The following PALS2 variants were observed in gnomAD, a reference collection of about 807,000 sequenced individuals.
PALS2 encodes protein associated with LIN7 2, MAGUK p55 family member.
Under a neutral mutation model 61.6 loss-of-function variants are expected in PALS2, and 27 were observed. That is an observed-to-expected ratio of 0.44 (90% CI 0.32 to 0.60). PALS2 has a LOEUF of 0.60. Ranked by LOEUF, PALS2 falls within the 20% of genes least tolerant of loss-of-function variation. The pLI, the probability that PALS2 is intolerant of heterozygous loss-of-function variation, is 0.05. For synonymous variants in PALS2, 236 were observed against 218.6 expected, an observed-to-expected ratio of 1.08 and a Z score of -0.70; for missense variants, 554 against 639.4, an observed-to-expected ratio of 0.87 and a Z score of 1.44.
At chr7:24,585,892 A>G (rs539019613) in intron 1 of PALS2, among the ~76,000 whole-genome samples, 1 of 152,068 alleles carries the variant, frequency 6.6e-6, no homozygotes, top group East Asian at 1.9e-4. Flanking sequence ...CACCACTAAT[A>G]TCTTCTACTC....
At chr7:24,677,335 C>T (rs1225566132) in intron 9 of PALS2, among the ~76,000 whole-genome samples, 1 of 152,076 alleles carries the variant, frequency 6.6e-6, no homozygotes, top group East Asian at 1.9e-4. Context: ...AATTTGACTT[C>T]CTCTTTTCCT....
intron 1 of PALS2, among the ~76,000 whole-genome samples, chr7:24,611,446 G>A (rs920731953): frequency 1.3e-5 from 2 of 151,720 alleles, no homozygotes; most frequent in African/African-American, 4.8e-5. Flanking sequence ...AACTATTCTT[G>A]ATTTTGGTAA....
intron 1 of PALS2, among the ~76,000 whole-genome samples, chr7:24,576,349 G>A (rs527282622): frequency 1.3e-5 from 2 of 152,082 alleles, no homozygotes; most frequent in African/African-American, 2.4e-5. Flanking sequence ...CTGACCACTG[G>A]GGGGAGACTT....
chr7:24,680,970 G>T (rs1787895160), intron 11 of PALS2, among the ~76,000 whole-genome samples: 1 of 152,288 alleles, frequency 6.6e-6, no homozygotes, highest in South Asian at 2.1e-4. Context: ...ATTAGATGTA[G>T]TTAGGATCTG....
intron 1 of PALS2, among the ~76,000 whole-genome samples, chr7:24,583,688 T>C: frequency 6.6e-6 from 1 of 151,538 alleles, no homozygotes; most frequent in Non-Finnish European, 1.5e-5. Context: ...TACTTTAAGT[T>C]TTAGGGTACA....
At chr7:24,646,818 T>G (rs1785855797) in intron 3 of PALS2, among the ~76,000 whole-genome samples, 1 of 152,170 alleles carries the variant, frequency 6.6e-6, no homozygotes, top group South Asian at 2.1e-4. Context: ...TATTACTGAT[T>G]CAATTTCGGA....
At position 24,670,657 on chromosome 7, in the gene PALS2, G is replaced by A. The variant is rs150058695; in HGVS notation, c.1114+1997G>A. Among the ~76,000 whole-genome samples, 19 of 152,286 alleles carry A rather than the reference G, an allele frequency of 1.2e-4. No homozygotes were observed. The East Asian group carries it at 1.5e-3, about 12-fold the overall frequency. On this transcript the variant is annotated intron_variant, in intron 9 of 11. Transcript: ENST00000222644. ...TGTAAAATTCAAAAGCTGTTACAAC[G>A]TCTTCATCATCGCCAAAAGAATCTC... is the stretch of plus-strand genomic sequence containing the variant.
intron 5 of PALS2, among the ~76,000 whole-genome samples, chr7:24,653,376 A>G (rs1269002102): frequency 3.0e-5 from 4 of 132,502 alleles, no homozygotes; most frequent in African/African-American, 1.3e-4. Context: ...CAGAAGGGAA[A>G]AGCCTTAATT....
Position 24,643,255 on chromosome 7 carries a change from T to G in PALS2, c.270+1387T>G, listed in dbSNP as rs115642976. ...TCTAGGTTTTCAGGAATGCTACTTA[T>G]TATTAGTAAATATTTGTAATTTAAT... On this transcript the variant is annotated intron_variant, in intron 3 of 11. Coordinates refer to ENST00000222644, the MANE Select transcript of PALS2 (RefSeq NM_001303037.2). 5.3e-3 allele frequency among the ~76,000 whole-genome samples: 805 copies of G among 152,242 alleles called. 14 individuals are homozygous for G. The highest frequency in any genetic ancestry group is 0.019 in the African/African-American group (771 of 41,546).
At chr7:24,639,669 TTTTC>T (rs1232158694) in intron 2 of PALS2, among the ~76,000 whole-genome samples, 1 of 150,876 alleles carries the variant, frequency 6.6e-6, no homozygotes, top group Non-Finnish European at 1.5e-5. Flanking sequence ...CTGTAGATTA[TTTTC>T]TTTTTTTTTT....
At chr7:24,625,703 TAAC>T (rs1359187998) in intron 2 of PALS2, among the ~76,000 whole-genome samples, 3 of 152,236 alleles carry the variant, frequency 2.0e-5, no homozygotes, top group Non-Finnish European at 2.9e-5. Flanking sequence ...TCATTATTCT[TAAC>T]AGTTGCAATG....
Position 24,609,412 on chromosome 7 carries a change from G to C in PALS2, c.-2-14254G>C, listed in dbSNP as rs572006022. On this transcript the variant is annotated intron_variant, in intron 1 of 11. Coordinates refer to ENST00000222644, the MANE Select transcript of PALS2 (RefSeq NM_001303037.2). ...CTAAATTAAGAAGGAAGAGTACTCT[G>C]GATATGGGACATATTAGGGTAAGGC... 3.9e-5 allele frequency among the ~76,000 whole-genome samples: 6 copies of C among 152,218 alleles called. No individual in the cohort carries two copies. In the South Asian group the frequency reaches 1.2e-3, roughly 32 times the overall value.
chr7:24,598,269 G>A (rs561242713), intron 1 of PALS2, among the ~76,000 whole-genome samples: 1 of 152,266 alleles, frequency 6.6e-6, no homozygotes, highest in South Asian at 2.1e-4. Context: ...GTATTTTCAT[G>A]TAACTTAAAT....
chr7:24,635,202 T>C (rs1785179312), intron 2 of PALS2, among the ~76,000 whole-genome samples: 1 of 152,236 alleles, frequency 6.6e-6, no homozygotes, highest in African/African-American at 2.4e-5. Flanking sequence ...TCCATAAACA[T>C]TTATTTAAAT....
intron 1 of PALS2, among the ~76,000 whole-genome samples, chr7:24,574,598 T>C (rs1467961346): frequency 3.9e-5 from 6 of 152,104 alleles, no homozygotes; most frequent in Non-Finnish European, 1.5e-5. Context: ...GCATTACTTA[T>C]AAACAGCCGG....
At chr7:24,662,105 AC>A (rs1786751670) in intron 5 of PALS2, among the ~76,000 whole-genome samples, 1 of 152,184 alleles carries the variant, frequency 6.6e-6, no homozygotes, top group South Asian at 2.1e-4. Flanking sequence ...AAAATTATTG[AC>A]CTACTGATTT....
chr7:24,632,191 T>G (rs1430354381), intron 2 of PALS2, among the ~76,000 whole-genome samples: 1 of 152,240 alleles, frequency 6.6e-6, no homozygotes, highest in East Asian at 1.9e-4. Flanking sequence ...TATCGTTATG[T>G]AATGCCTCTC....
chr7:24,613,380 TAA>T (rs1784181429), intron 1 of PALS2, among the ~76,000 whole-genome samples: 1 of 151,832 alleles, frequency 6.6e-6, no homozygotes, highest in South Asian at 2.1e-4. Context: ...ATTGTATTCT[TAA>T]AAGAGATTTA....
intron 2 of PALS2, among the ~76,000 whole-genome samples, chr7:24,639,814 A>ATTTTTTTTT (rs61073575): frequency 3.4e-4 from 33 of 96,250 alleles, no homozygotes; most frequent in African/African-American, 1.3e-3. Flanking sequence ...TTCTAGTCTA[A>ATTTTTTTTT]TTTTTTTTTT....
Sources: allele counts gnomAD v4.1 joint callset (sites outside exome capture counted in the v4.1 genomes callset), GRCh38; gene constraint gnomAD v4.1.1; transcripts MANE v1.5; gene names NCBI Gene and HGNC (gene_info 2026-07-23, HGNC 2026-07-21).